Variants in PTPRD observed in about 807,000 individuals in gnomAD.
PTPRD encodes the protein receptor-type tyrosine-protein phosphatase delta.
Under a neutral mutation model 214.5 loss-of-function variants are expected in PTPRD, and 34 were observed. The ratio of observed to expected loss-of-function variants is 0.16; its 90% CI spans 0.12 to 0.21. The LOEUF (loss-of-function observed/expected upper bound fraction) is 0.21. Ranked by LOEUF, PTPRD falls within the 10% of genes least tolerant of loss-of-function variation. The pLI, the probability that PTPRD is intolerant of heterozygous loss-of-function variation, is 1.00. For synonymous variants in PTPRD, 1,128 were observed against 845.7 expected (o/e 1.33, Z -5.79); for missense variants, 2,545 against 2,398.7 (o/e 1.06, Z -1.27).
intron 10 of PTPRD, among the ~76,000 whole-genome samples, chr9:9,021,251 G>A (rs1447617451): frequency 6.6e-6 from 1 of 152,126 alleles, no homozygotes; most frequent in Admixed American, 6.6e-5. Context: ...ATATATGACA[G>A]TGGTTTCGTA....
In PTPRD at chr9:8,382,358, C is replaced by T. The variant is rs114598564; in HGVS notation, c.4387-5632G>A. Among the ~76,000 whole-genome samples, 246 of 152,224 alleles carry T rather than the reference C, an allele frequency of 1.6e-3. 2 individuals are homozygous for T. Among genetic ancestry groups the T allele is most frequent in the African/African-American group, 5.8e-3 (242 of 41,524 alleles). On this transcript the variant is annotated intron_variant, in intron 37 of 45. Coordinates refer to ENST00000381196, the MANE Select transcript of PTPRD (RefSeq NM_002839.4). ...TGAGACCTAATCCAGCACAGGAGAA[C>T]CACAGACATGAATGCAGAGAATGAG...
chr9:10,062,858 G>A (rs2097799162), intron 3 of PTPRD, among the ~76,000 whole-genome samples: 2 of 151,846 alleles, frequency 1.3e-5, no homozygotes, highest in African/African-American at 4.8e-5. Flanking sequence ...CTAATTTTAA[G>A]CCTGTGACTC....
intron 11 of PTPRD, among the ~76,000 whole-genome samples, chr9:8,828,317 C>T (rs1293410217): frequency 1.3e-5 from 2 of 152,160 alleles, no homozygotes; most frequent in Non-Finnish European, 2.9e-5. Flanking sequence ...GTAATTAGGT[C>T]ATGAGGGTGG....
At chr9:9,716,810 C>A (rs1053947517) in intron 7 of PTPRD, among the ~76,000 whole-genome samples, 1 of 151,700 alleles carries the variant, frequency 6.6e-6, no homozygotes, top group African/African-American at 2.4e-5. Flanking sequence ...TGCCTGTTCA[C>A]TTTGATGGTA....
In PTPRD at chr9:9,112,757, T is replaced by C. The variant is rs534272476; in HGVS notation, c.-143+70547A>G. ...CTTAACAAAATTGTGAGAGAAATTATGGGAAATCAGGGTTCTGAATCCTAT... is the reference window on the plus strand; with the variant it reads ...CTTAACAAAATTGTGAGAGAAATTACGGGAAATCAGGGTTCTGAATCCTAT... On this transcript the variant is annotated intron_variant, in intron 10 of 45. Coordinates refer to ENST00000381196, the MANE Select transcript of PTPRD (RefSeq NM_002839.4). Among the ~76,000 whole-genome samples the C allele has an allele frequency of 2.3e-4, 35 of 152,308 alleles. 1 individual carries two copies. The South Asian group carries it at 6.8e-3, about 30-fold the overall frequency.
At chr9:10,200,390 G>A (rs2099414965) in intron 3 of PTPRD, among the ~76,000 whole-genome samples, 1 of 152,112 alleles carries the variant, frequency 6.6e-6, no homozygotes, top group Non-Finnish European at 1.5e-5. Context: ...AGGAGAGAAG[G>A]AAGATGCTAT....
intron 27 of PTPRD, among the ~76,000 whole-genome samples, chr9:8,492,423 T>C (rs1299631722): frequency 6.6e-6 from 1 of 152,174 alleles, no homozygotes; most frequent in Non-Finnish European, 1.5e-5. Flanking sequence ...GGCTGCCTGA[T>C]CCTTAATTGC....
intron 11 of PTPRD, among the ~76,000 whole-genome samples, chr9:8,987,463 T>C (rs2099350171): frequency 6.6e-6 from 1 of 152,130 alleles, no homozygotes; most frequent in African/African-American, 2.4e-5. Context: ...AGAACAGGCA[T>C]AAAGACAATA....
chr9:8,848,504 ATTTTTTT>A (rs34149878), intron 11 of PTPRD, among the ~76,000 whole-genome samples: 15 of 125,032 alleles, frequency 1.2e-4, no homozygotes, highest in East Asian at 9.9e-4. Flanking sequence ...TCTGGCAAAT[ATTTTTTT>A]TTTTTTTTTT....
At chr9:9,981,377 CAG>C (rs1318827297) in intron 4 of PTPRD, among the ~76,000 whole-genome samples, 5 of 75,464 alleles carry the variant, frequency 6.6e-5, no homozygotes, top group African/African-American at 1.9e-4. Flanking sequence ...TTTTTTAAGA[CAG>C]AGTCTCACTC....
intron 14 of PTPRD, among the ~76,000 whole-genome samples, chr9:8,579,502 A>T (rs1213233594): frequency 6.6e-6 from 1 of 152,222 alleles, no homozygotes; most frequent in Non-Finnish European, 1.5e-5. Flanking sequence ...TTTATTGATC[A>T]CCTGCTCATG....
intron 3 of PTPRD, among the ~76,000 whole-genome samples, chr9:10,330,842 C>T (rs182676579): frequency 6.6e-6 from 1 of 151,956 alleles, no homozygotes. Flanking sequence ...CCTTCTCATA[C>T]TTCTCAAATT....
chr9:8,401,476 C>T (rs1343272611), intron 36 of PTPRD, among the ~76,000 whole-genome samples: 1 of 152,152 alleles, frequency 6.6e-6, no homozygotes, highest in East Asian at 1.9e-4. Context: ...AATTCTGTTT[C>T]CATACTGCTT....
intron 2 of PTPRD, among the ~76,000 whole-genome samples, chr9:10,478,586 C>G (rs1269476671): frequency 6.6e-6 from 1 of 152,068 alleles, no homozygotes; most frequent in African/African-American, 2.4e-5. Flanking sequence ...CATTAGTGAA[C>G]TAGAGAAGTA....
chr9:8,790,221 G>T (rs745701897), intron 11 of PTPRD, among the ~76,000 whole-genome samples: 1 of 151,756 alleles, frequency 6.6e-6, no homozygotes, highest in African/African-American at 2.4e-5. Context: ...TCACTACGTT[G>T]CCCAGACTGG....
chr9:9,418,650 T>C (rs1242816856), intron 8 of PTPRD, among the ~76,000 whole-genome samples: 5 of 152,004 alleles, frequency 3.3e-5, no homozygotes, highest in Non-Finnish European at 7.4e-5. Flanking sequence ...TACATACTAT[T>C]GGCTACAAGT....
At chr9:9,559,561 A>T (rs1377932786) in intron 8 of PTPRD, among the ~76,000 whole-genome samples, 1 of 152,180 alleles carries the variant, frequency 6.6e-6, no homozygotes, top group African/African-American at 2.4e-5. Context: ...ATCCAATCCC[A>T]GGTAAGAGGG....
chr9:8,779,861 G>T (rs1002747600), intron 11 of PTPRD, among the ~76,000 whole-genome samples: 2 of 150,502 alleles, frequency 1.3e-5, no homozygotes, highest in African/African-American at 4.9e-5. Flanking sequence ...TTGGACTGTG[G>T]GTATGATCAA....
intron 8 of PTPRD, among the ~76,000 whole-genome samples, chr9:9,532,914 T>A (rs142589677): frequency 1.3e-5 from 2 of 152,294 alleles, no homozygotes; most frequent in Admixed American, 6.5e-5. Context: ...CATTGTGGAC[T>A]ATTTAAAAAT....
Sources: allele counts gnomAD v4.1 joint callset (sites outside exome capture counted in the v4.1 genomes callset), GRCh38; gene constraint gnomAD v4.1.1; transcripts MANE v1.5; gene names NCBI Gene and HGNC (gene_info 2026-07-23, HGNC 2026-07-21).